The following CLSTN2 variants were observed in gnomAD, a reference collection of about 807,000 sequenced individuals.
CLSTN2 encodes calsyntenin 2, also known as calsyntenin-2.
A neutral mutation model predicts 101.2 loss-of-function variants in CLSTN2; 48 were observed. The observed-to-expected ratio is 0.47, with a 90% CI of 0.38 to 0.60. The LOEUF is 0.60. CLSTN2 is among the 20% of genes least tolerant of loss of function. The pLI, the probability that CLSTN2 is intolerant of heterozygous loss-of-function variation, is 0.00. For missense variants in CLSTN2, 1,160 were observed against 1,238.2 expected (o/e 0.94, Z 0.95); for synonymous variants, 481 against 463.6 (o/e 1.04, Z -0.48).
At chr3:140,291,270 GC>G (rs1018292216) in intron 2 of CLSTN2, among the ~76,000 whole-genome samples, 8 of 151,866 alleles carry the variant, frequency 5.3e-5, no homozygotes, top group Non-Finnish European at 1.2e-4. Flanking sequence ...TCATGGCCCC[GC>G]CTCCTCACTT....
chr3:140,220,030 A>T (rs2086252817), intron 2 of CLSTN2, among the ~76,000 whole-genome samples: 1 of 152,208 alleles, frequency 6.6e-6, no homozygotes, highest in African/African-American at 2.4e-5. Context: ...AACAACCATA[A>T]ATGGCAGAGC....
chr3:140,286,098 A>C (rs2086893558), intron 2 of CLSTN2, among the ~76,000 whole-genome samples: 1 of 152,272 alleles, frequency 6.6e-6, no homozygotes, highest in South Asian at 2.1e-4. Flanking sequence ...CCCTGGAGCA[A>C]GAGCTTTGAC....
At chr3:140,266,167 C>T (rs1024191665) in intron 2 of CLSTN2, among the ~76,000 whole-genome samples, 11 of 152,176 alleles carry the variant, frequency 7.2e-5, no homozygotes, top group Non-Finnish European at 7.3e-5. Flanking sequence ...GCACACCCCC[C>T]ATTATCCTGT....
At chr3:140,522,489 T>C (rs1237431469) in intron 8 of CLSTN2, among the ~76,000 whole-genome samples, 2 of 152,246 alleles carry the variant, frequency 1.3e-5, no homozygotes, top group African/African-American at 4.8e-5. Context: ...AAATATGTCC[T>C]TTGGAGCAGG....
chr3:140,415,174 C>A (rs1194547330), intron 4 of CLSTN2, among the ~76,000 whole-genome samples: 1 of 151,704 alleles, frequency 6.6e-6, no homozygotes, highest in South Asian at 2.1e-4. Context: ...TTACACCATA[C>A]ACAAAAATAA....
intron 8 of CLSTN2, among the ~76,000 whole-genome samples, chr3:140,480,022 T>C (rs1233707145): frequency 6.6e-6 from 1 of 152,178 alleles, no homozygotes; most frequent in Non-Finnish European, 1.5e-5. Context: ...TACATATGTA[T>C]ACATGTGCCA....
chr3:140,084,746 A>G (rs938925056), intron 1 of CLSTN2, among the ~76,000 whole-genome samples: 1 of 8,072 alleles, frequency 1.2e-4, no homozygotes, highest in African/African-American at 9.7e-4. Context: ...GGGAAGCCTA[A>G]AGGCATTCCA....
intron 2 of CLSTN2, among the ~76,000 whole-genome samples, chr3:140,240,168 CTCTCTCTA>C (rs1559816126): frequency 0.048 from 832 of 17,188 alleles, 11 homozygotes; most frequent in South Asian, 0.13. Flanking sequence ...CTCTCTCTCT[CTCTCTCTA>C]TATATATATA....
intron 9 of CLSTN2, among the ~76,000 whole-genome samples, chr3:140,535,466 C>G (rs1244874371): frequency 6.6e-6 from 1 of 152,150 alleles, no homozygotes; most frequent in East Asian, 1.9e-4. Context: ...ATGGGAAACC[C>G]AAGTATACAT....
At chr3:140,198,625 T>G (rs367812398) in intron 2 of CLSTN2, among the ~76,000 whole-genome samples, 2 of 152,340 alleles carry the variant, frequency 1.3e-5, no homozygotes, top group South Asian at 2.1e-4. Context: ...TGCCAAGCAC[T>G]TTATTTAATC....
chr3:140,529,585 A>C (rs1029340850), intron 8 of CLSTN2, among the ~76,000 whole-genome samples: 2 of 152,232 alleles, frequency 1.3e-5, no homozygotes, highest in African/African-American at 4.8e-5. Flanking sequence ...CAGTTCTAGC[A>C]GAGGGTCAAT....
At chr3:140,479,298 G>A (rs965537970) in intron 8 of CLSTN2, among the ~76,000 whole-genome samples, 1 of 152,004 alleles carries the variant, frequency 6.6e-6, no homozygotes, top group Non-Finnish European at 1.5e-5. Context: ...CAGGACTAAG[G>A]GTAAATCTAA....
chr3:140,014,469 T>C (rs964607179), intron 1 of CLSTN2, among the ~76,000 whole-genome samples: 1 of 152,114 alleles, frequency 6.6e-6, no homozygotes, highest in Non-Finnish European at 1.5e-5. Flanking sequence ...TCCACCCACC[T>C]TGGCCTCCAA....
intron 2 of CLSTN2, among the ~76,000 whole-genome samples, chr3:140,259,725 A>C (rs1282003592): frequency 6.6e-6 from 1 of 152,108 alleles, no homozygotes; most frequent in African/African-American, 2.4e-5. Flanking sequence ...TCTTATATAA[A>C]TGTAATTATA....
chr3:140,256,856 A>G (rs986027279), intron 2 of CLSTN2, among the ~76,000 whole-genome samples: 1 of 152,184 alleles, frequency 6.6e-6, no homozygotes, highest in Non-Finnish European at 1.5e-5. Flanking sequence ...TGTTTTTTAA[A>G]TTTACATTCT....
At chr3:140,227,920 G>T (rs1211713312) in intron 2 of CLSTN2, among the ~76,000 whole-genome samples, 2 of 152,180 alleles carry the variant, frequency 1.3e-5, no homozygotes, top group Non-Finnish European at 2.9e-5. Context: ...TAGGTACCCT[G>T]GGCCTGGCCC....
intron 2 of CLSTN2, among the ~76,000 whole-genome samples, chr3:140,364,826 C>T (rs764884698): frequency 2.6e-5 from 4 of 152,150 alleles, no homozygotes; most frequent in Non-Finnish European, 4.4e-5. Flanking sequence ...TGATTGAGTG[C>T]CCACTGTTGT....
chr3:140,483,363 C>A (rs996230340), intron 8 of CLSTN2, among the ~76,000 whole-genome samples: 1 of 152,054 alleles, frequency 6.6e-6, no homozygotes, highest in Non-Finnish European at 1.5e-5. Flanking sequence ...TTACTTCCAA[C>A]TATATGGTCA....
chr3:140,257,744 C>A (rs903944354), intron 2 of CLSTN2, among the ~76,000 whole-genome samples: 1 of 152,028 alleles, frequency 6.6e-6, no homozygotes, highest in Non-Finnish European at 1.5e-5. Context: ...ATTTAATTAA[C>A]AATTCTGCTG....
Sources: allele counts gnomAD v4.1 joint callset (sites outside exome capture counted in the v4.1 genomes callset), GRCh38; gene constraint gnomAD v4.1.1; transcripts MANE v1.5; gene names NCBI Gene and HGNC (gene_info 2026-07-23, HGNC 2026-07-21).